Variants in NHSL3 observed in about 807,000 individuals in gnomAD.
NHSL3 encodes the protein NHS-like protein 3.
the NHSL3 span, among the ~76,000 whole-genome samples, chr1:32,766,960 G>T: frequency 6.6e-6 from 1 of 152,240 alleles, no homozygotes; most frequent in African/African-American, 2.4e-5. Flanking sequence ...CCCCAAGAGA[G>T]ACTGGAGCTC....
the NHSL3 span, among the ~76,000 whole-genome samples, chr1:32,747,880 G>T: frequency 4.6e-5 from 7 of 152,084 alleles, no homozygotes. Context: ...GCCAAGGCGG[G>T]AGGGGATCAC....
chr1:32,759,739 G>T, the NHSL3 span, among the ~76,000 whole-genome samples: 1 of 152,062 alleles, frequency 6.6e-6, no homozygotes, highest in Admixed American at 6.5e-5. Flanking sequence ...TCCCCCAACT[G>T]CCCTTACCCA....
chr1:32,771,093 T>A, the NHSL3 span: 1 of 1,613,810 alleles, frequency 6.2e-7, no homozygotes, highest in Non-Finnish European at 8.5e-7. Context: ...CCTCCTCCTC[T>A]GACCCAGCCC....
chr1:32,772,888 C>T, the NHSL3 span: 3 of 1,613,994 alleles, frequency 1.9e-6, no homozygotes, highest in Non-Finnish European at 2.5e-6. Flanking sequence ...GCTGGCCTGA[C>T]CACCAGGCAC....
the NHSL3 span, among the ~76,000 whole-genome samples, chr1:32,766,142 CT>C: frequency 1.3e-5 from 2 of 152,056 alleles, no homozygotes; most frequent in African/African-American, 4.8e-5. Context: ...TCAAGATGTA[CT>C]AGCCTTTCCT....
the NHSL3 span, chr1:32,772,472 A>C: frequency 6.6e-7 from 1 of 1,505,922 alleles, no homozygotes; most frequent in Non-Finnish European, 8.9e-7. Context: ...GTGAGGTCCC[A>C]TTGCTGATGA....
chr1:32,749,107 G>A, the NHSL3 span, among the ~76,000 whole-genome samples: 5 of 152,192 alleles, frequency 3.3e-5, no homozygotes, highest in African/African-American at 1.2e-4. Context: ...TAACAAGTGT[G>A]ACAAGGGGAA....
chr1:32,768,085 G>T, the NHSL3 span: 1 of 1,614,054 alleles, frequency 6.2e-7, no homozygotes, highest in Non-Finnish European at 8.5e-7. Context: ...GAACAAGGGT[G>T]GCTGGGACCA....
chr1:32,771,434 A>C, the NHSL3 span: 1 of 1,338,388 alleles, frequency 7.5e-7, no homozygotes, highest in Non-Finnish European at 9.8e-7. Context: ...GTGGTTGTGG[A>C]GGCACCATCT....
chr1:32,750,805 C>CTT, the NHSL3 span, among the ~76,000 whole-genome samples: 1 of 150,508 alleles, frequency 6.6e-6, no homozygotes, highest in East Asian at 2.0e-4. Flanking sequence ...AGCGCCCGGC[C>CTT]CCTTTTATTT....
At chr1:32,742,066 T>G in the NHSL3 span, 1 of 1,262,616 alleles carries the variant, frequency 7.9e-7, no homozygotes, top group Non-Finnish European at 1.0e-6. Flanking sequence ...CCGCCGCGCC[T>G]TCAGCTGGCT....
the NHSL3 span, among the ~76,000 whole-genome samples, chr1:32,753,341 C>T: frequency 3.3e-5 from 5 of 151,374 alleles, no homozygotes; most frequent in South Asian, 2.1e-4. Context: ...AAAAATTAGC[C>T]GGGCATGGTG....
At chr1:32,750,999 C>T in the NHSL3 span, among the ~76,000 whole-genome samples, 46 of 151,834 alleles carry the variant, frequency 3.0e-4, no homozygotes, top group Admixed American at 1.4e-3. Context: ...TTAGTAGACA[C>T]GGGGTTTCAC....
chr1:32,761,284 C>A, the NHSL3 span, among the ~76,000 whole-genome samples: 1 of 152,138 alleles, frequency 6.6e-6, no homozygotes, highest in Non-Finnish European at 1.5e-5. Context: ...GGTTGCTGAG[C>A]CCCTCCCCAA....
chr1:32,742,150 G>T, the NHSL3 span: 205 of 1,244,600 alleles, frequency 1.6e-4, 3 homozygotes, highest in South Asian at 6.1e-3. Context: ...GGCCAAGAAG[G>T]CGGAGGACAA....
At chr1:32,771,451 G>T in the NHSL3 span, 1 of 1,581,170 alleles carries the variant, frequency 6.3e-7, no homozygotes, top group Non-Finnish European at 8.6e-7. Context: ...ATCTGCCTCA[G>T]AGACTGCTGA....
chr1:32,768,115 C>T, the NHSL3 span: 1 of 1,595,536 alleles, frequency 6.3e-7, no homozygotes, highest in Non-Finnish European at 8.6e-7. Flanking sequence ...CCAGAGTATC[C>T]AGGTGAGCCC....
At chr1:32,754,231 G>A in the NHSL3 span, 2 of 702,644 alleles carry the variant, frequency 2.8e-6, no homozygotes, top group Non-Finnish European at 5.3e-6. Flanking sequence ...TCCCTACTGC[G>A]GTCGTCGCCA....
the NHSL3 span, among the ~76,000 whole-genome samples, chr1:32,763,431 TC>T: frequency 1.3e-5 from 2 of 152,256 alleles, no homozygotes; most frequent in South Asian, 4.1e-4. Context: ...TCCTCTCTCT[TC>T]CTTGAAATCC....
Sources: gnomAD v4.1 joint callset for allele counts (sites outside exome capture counted in the v4.1 genomes callset) on GRCh38, gnomAD v4.1.1 for gene constraint, MANE v1.5 for transcripts, NCBI Gene and HGNC (gene_info 2026-07-23, HGNC 2026-07-21) for gene names.